FLT1: variants seen among roughly 807,000 people sequenced by gnomAD.
FLT1 encodes fms related receptor tyrosine kinase 1.
In FLT1, 49 loss-of-function variants were observed where a neutral mutation model predicts 156.3. The ratio of observed to expected loss-of-function variants is 0.31; its 90% confidence interval spans 0.25 to 0.40. FLT1 has a LOEUF of 0.40. Ranked by LOEUF, FLT1 falls within the 10% of genes least tolerant of loss-of-function variation. The pLI is 1.00. For synonymous variants in FLT1, 594 were observed against 583.8 expected, an observed-to-expected ratio of 1.02 and a Z score of -0.25; for missense variants, 1,322 against 1,637.2, an observed-to-expected ratio of 0.81 and a Z score of 3.32.
At chr13:28,494,717 G>A in intron 1 of FLT1, 63 bp downstream of exon 1, 1 of 1,336,858 alleles carries the variant, frequency 7.5e-7, no homozygotes, top group Non-Finnish European at 1.0e-6. Flanking sequence ...GGCCTCGGAG[G>A]CTCTGCCCTC....
At chr13:28,441,229 T>A (rs564334083) in intron 3 of FLT1, among the ~76,000 whole-genome samples, 2 of 152,304 alleles carry the variant, frequency 1.3e-5, no homozygotes, top group South Asian at 4.1e-4. Context: ...GTAAACACAG[T>A]GCGCATGTGG....
intron 12 of FLT1, 119 bp downstream of exon 12, chr13:28,396,841 T>C (rs776974063): frequency 4.1e-6 from 3 of 724,718 alleles, no homozygotes; most frequent in Non-Finnish European, 7.6e-6. Context: ...CACTCAAAGT[T>C]TGACAATTCT....
At chr13:28,365,609 C>T (rs1873263151) in intron 14 of FLT1, among the ~76,000 whole-genome samples, 1 of 152,176 alleles carries the variant, frequency 6.6e-6, no homozygotes, top group Non-Finnish European at 1.5e-5. Context: ...ACCTTGGCCT[C>T]CCAAAATGCT....
At chr13:28,450,356 A>T (rs1352031956) in intron 3 of FLT1, among the ~76,000 whole-genome samples, 1 of 152,196 alleles carries the variant, frequency 6.6e-6, no homozygotes, top group Non-Finnish European at 1.5e-5. Flanking sequence ...AGCTTGATGG[A>T]CTGTAAGATT....
At position 28,317,485 on chromosome 13, in the gene FLT1, A is replaced by G. The variant is rs779737358; in HGVS notation, c.3386+13T>C. 6 of 1,572,382 alleles carry G rather than the reference A, an allele frequency of 3.8e-6. No individual in the cohort carries two copies. The East Asian group carries it at 1.3e-4, about 35-fold the overall frequency. On this transcript the variant is annotated intron_variant, in intron 25 of 29. Transcript: ENST00000282397. ...AGCTGTCAGATGGGGAGCAGAGGGC[A>G]CCAAGGGCTCACATTTCAGGAGTAG...
chr13:28,400,691 A>G (rs1875375556), intron 11 of FLT1, among the ~76,000 whole-genome samples: 1 of 152,198 alleles, frequency 6.6e-6, no homozygotes, highest in Non-Finnish European at 1.5e-5. Flanking sequence ...GTTAAGGGAA[A>G]AAAACGAAAA....
chr13:28,337,135 G>T (rs961526855), intron 17 of FLT1, among the ~76,000 whole-genome samples: 6 of 151,636 alleles, frequency 4.0e-5, no homozygotes, highest in African/African-American at 1.4e-4. Flanking sequence ...CCCTCCCATG[G>T]GTTAGTGAGG....
intron 10 of FLT1, among the ~76,000 whole-genome samples, chr13:28,420,479 G>T (rs974136532): frequency 1.3e-5 from 2 of 152,178 alleles, no homozygotes; most frequent in Non-Finnish European, 2.9e-5. Flanking sequence ...GATACAAATT[G>T]TATGTGTACT....
chr13:28,378,313 C>T (rs1873933255), intron 14 of FLT1, among the ~76,000 whole-genome samples: 1 of 152,168 alleles, frequency 6.6e-6, no homozygotes, highest in South Asian at 2.1e-4. Flanking sequence ...TCCCAAAGTG[C>T]TGGGATTACA....
At chr13:28,325,816 C>CAAA (rs377427677) in intron 20 of FLT1, among the ~76,000 whole-genome samples, 1,075 of 68,672 alleles carry the variant, frequency 0.016, 19 homozygotes, top group Middle Eastern at 0.067. Context: ...AACTCTGTCT[C>CAAA]AAAAAAAAAA....
At chr13:28,336,566 T>C (rs1454859390) in intron 17 of FLT1, among the ~76,000 whole-genome samples, 1 of 152,162 alleles carries the variant, frequency 6.6e-6, no homozygotes, top group Admixed American at 6.6e-5. Context: ...GGAGAGTGCA[T>C]GGCAGCATGG....
chr13:28,307,557 C>T (rs576578653), intron 28 of FLT1, among the ~76,000 whole-genome samples: 18 of 152,126 alleles, frequency 1.2e-4, no homozygotes, highest in African/African-American at 3.6e-4. Flanking sequence ...CCATATACTT[C>T]ACCTTTATAT....
Position 28,494,929 on chromosome 13 carries a change from C to G in FLT1, c.-86G>C, listed in dbSNP as rs1053270288. ...CGCCAGAGTCCGTCCTCTCGTTCGCCGCCGCCGGCCCCGCGCCCTGAGCGC... is the reference window on the plus strand; with the variant it reads ...CGCCAGAGTCCGTCCTCTCGTTCGCGGCCGCCGGCCCCGCGCCCTGAGCGC... On this transcript the variant is annotated 5_prime_UTR_variant, in exon 1 of 30. Transcript: ENST00000282397. The G allele has an allele frequency of 1.1e-5, 12 of 1,091,594 alleles. No individual in the cohort carries two copies. The highest frequency in any genetic ancestry group is 1.5e-5 in the Non-Finnish European group (12 of 796,070). 67.6% of individuals were successfully genotyped at this position (1,091,594 alleles called of 1,614,324 possible).
chr13:28,420,559 T>A (rs1297662894), intron 10 of FLT1, among the ~76,000 whole-genome samples: 1 of 152,210 alleles, frequency 6.6e-6, no homozygotes, highest in Non-Finnish European at 1.5e-5. Context: ...GGTCTTAAAT[T>A]ATAGCTTCCC....
At chr13:28,493,624 C>G (rs1037642303) in intron 1 of FLT1, among the ~76,000 whole-genome samples, 1 of 152,090 alleles carries the variant, frequency 6.6e-6, no homozygotes, top group South Asian at 2.1e-4. Flanking sequence ...CATATTTTAC[C>G]TTTTCTCCAC....
intron 1 of FLT1, among the ~76,000 whole-genome samples, chr13:28,477,666 G>C (rs1880626767): frequency 6.6e-6 from 1 of 152,158 alleles, no homozygotes; most frequent in African/African-American, 2.4e-5. Context: ...GTTAGGAAGG[G>C]CTTGGACACA....
At chr13:28,489,186 G>A (rs1181650442) in intron 1 of FLT1, among the ~76,000 whole-genome samples, 1 of 152,188 alleles carries the variant, frequency 6.6e-6, no homozygotes, top group Non-Finnish European at 1.5e-5. Context: ...ATTATCTGTT[G>A]AGAACAGTTA....
chr13:28,444,528 C>T (rs778877894), intron 3 of FLT1, among the ~76,000 whole-genome samples: 20 of 152,130 alleles, frequency 1.3e-4, no homozygotes, highest in Non-Finnish European at 2.4e-4. Context: ...CTATACCCAA[C>T]GACATCTATA....
rs1224855124 is a variant in FLT1 at position 28,473,777 on chromosome 13, G to GGAAAGAAA, written c.65-6168_65-6161dup. 4.4e-3 allele frequency among the ~76,000 whole-genome samples: 278 copies of GGAAAGAAA among 63,746 alleles called. 4 individuals carry two copies. Among genetic ancestry groups the GGAAAGAAA allele is most frequent in the East Asian group, 8.3e-3 (20 of 2,416 alleles). The allele number at this position is 63,746 out of a possible 152,430, so 41.8% of individuals were successfully genotyped here. On this transcript the variant is annotated intron_variant, in intron 1 of 29. Transcript: ENST00000282397. ...AGGAAGGAAGGAAGGAAGGAAGGAA[G>GGAAAGAAA]GAAAGAAAGAAAGAAAGAAAGAAAG...
Sources: allele counts gnomAD v4.1 joint callset (sites outside exome capture counted in the v4.1 genomes callset), GRCh38; gene constraint gnomAD v4.1.1; transcripts MANE v1.5; gene names NCBI Gene and HGNC (gene_info 2026-07-23, HGNC 2026-07-21).